NIPSNAP1: variants seen among roughly 807,000 people sequenced by gnomAD.
NIPSNAP1 encodes protein NipSnap homolog 1.
Under a neutral mutation model 49.2 loss-of-function variants are expected in NIPSNAP1, and 25 were observed. The ratio of observed to expected loss-of-function variants is 0.51; its 90% CI spans 0.37 to 0.71. NIPSNAP1 has a LOEUF of 0.71. Among genes scored for constraint, NIPSNAP1 ranks in the 30% least tolerant of loss-of-function variants. The pLI is 0.00. For missense variants in NIPSNAP1, 294 were observed against 361.0 expected, an observed-to-expected ratio of 0.81 and a Z score of 1.50; for synonymous variants, 143 against 140.7, an observed-to-expected ratio of 1.02 and a Z score of -0.12.
chr22:29,562,090 C>A (rs902002726), intron 4 of NIPSNAP1, among the ~76,000 whole-genome samples: 1 of 152,098 alleles, frequency 6.6e-6, no homozygotes, highest in Non-Finnish European at 1.5e-5. Context: ...TGCCCAGCAG[C>A]CTTGGACTGC....
At chr22:29,577,450 G>A (rs2064461614) in intron 1 of NIPSNAP1, among the ~76,000 whole-genome samples, 1 of 143,428 alleles carries the variant, frequency 7.0e-6, no homozygotes, top group African/African-American at 2.7e-5. Flanking sequence ...ACGAAGTCTC[G>A]CTCTTGTTCC....
chr22:29,570,128 C>G (rs770466908), intron 3 of NIPSNAP1, 34 bp downstream of exon 3: 5 of 1,602,096 alleles, frequency 3.1e-6, no homozygotes, highest in Non-Finnish European at 4.3e-6. Context: ...CCCACCCAAG[C>G]AGGGGATGGG....
chr22:29,558,080 T>C (rs903645387), intron 9 of NIPSNAP1, among the ~76,000 whole-genome samples: 11 of 152,080 alleles, frequency 7.2e-5, no homozygotes, highest in Non-Finnish European at 1.0e-4. Flanking sequence ...CTGGGTGACA[T>C]AGTAAGACTG....
At chr22:29,560,656 A>G in intron 8 of NIPSNAP1, 78 bp downstream of exon 8, 2 of 1,149,268 alleles carry the variant, frequency 1.7e-6, no homozygotes. Flanking sequence ...GAGGACACTA[A>G]TACAACCCCA....
intron 3 of NIPSNAP1, among the ~76,000 whole-genome samples, chr22:29,569,696 A>G (rs1214190097): frequency 6.7e-6 from 1 of 149,748 alleles, no homozygotes; most frequent in African/African-American, 2.5e-5. Context: ...AAAAAAAGAA[A>G]GAAAGAAAAT....
intron 1 of NIPSNAP1, chr22:29,579,991 T>G (rs2064485201): frequency 6.1e-6 from 6 of 978,968 alleles, no homozygotes; most frequent in Non-Finnish European, 8.6e-6. Flanking sequence ...CTGTAACATC[T>G]CATGGCAGGC....
In NIPSNAP1 at chr22:29,570,926, CTAACT is replaced by C. The variant is rs562980689; in HGVS notation, c.99-399_99-395del. ...TGCCCAAAGCCCTTGACAACCCAAC[CTAACT>C]TGTCAGCCTCCCCTCCTGCCCCCTC... On this transcript the variant is annotated intron_variant, in intron 1 of 9. Coordinates refer to ENST00000216121, the MANE Select transcript of NIPSNAP1 (RefSeq NM_003634.4). 6.4e-4 allele frequency among the ~76,000 whole-genome samples: 97 copies of C among 152,198 alleles called. 1 individual carries two copies. Among genetic ancestry groups the C allele is most frequent in the Middle Eastern group, 6.8e-3 (2 of 294 alleles).
chr22:29,573,172 G>A (rs986945956), intron 1 of NIPSNAP1, among the ~76,000 whole-genome samples: 6 of 152,190 alleles, frequency 3.9e-5, no homozygotes, highest in Admixed American at 2.6e-4. Flanking sequence ...AAGTAGCTGG[G>A]ACTACAGACG....
In NIPSNAP1 at chr22:29,555,272, T is replaced by C. The variant is rs2064282764; in HGVS notation, c.*663A>G. The C allele has an allele frequency of 6.5e-6, 1 of 153,038 alleles. No homozygotes were observed. Among genetic ancestry groups the C allele is most frequent in the Non-Finnish European group, 1.5e-5 (1 of 68,506 alleles). The allele number at this position is 153,038 out of a possible 1,614,324, so 9.5% of individuals were successfully genotyped here. A position where few individuals can be genotyped will look rare whatever the true frequency, so the allele number is the denominator to read the frequency against. On this transcript the variant is annotated 3_prime_UTR_variant, in exon 10 of 10. Transcript: ENST00000216121. ...AATTCTACAATTGAAACCCAAGTTC[T>C]GAATTCTAAGTTCTACCTTCCGAGT... is the stretch of plus-strand genomic sequence containing the variant.
In NIPSNAP1 at chr22:29,561,871, G is replaced by A; in HGVS notation, c.368-9C>T. 6.2e-7 allele frequency: 1 copy of A among 1,614,014 alleles called. No homozygotes were observed. Among genetic ancestry groups the A allele is most frequent in the Non-Finnish European group, 8.5e-7 (1 of 1,179,952 alleles). On this transcript the variant is annotated splice_polypyrimidine_tract_variant and intron_variant, in intron 4 of 9. Transcript: ENST00000216121. Reference sequence around the variant, plus strand: ...GAATCGCCACAGGTGCACTGTTGGGGGTGAGAGGTATAGGTCAGTGAGCTG... The same window carrying A: ...GAATCGCCACAGGTGCACTGTTGGGAGTGAGAGGTATAGGTCAGTGAGCTG...
chr22:29,560,226 ATCATC>A (rs1267333378), intron 8 of NIPSNAP1, among the ~76,000 whole-genome samples: 1 of 147,272 alleles, frequency 6.8e-6, no homozygotes, highest in African/African-American at 2.5e-5. Context: ...GTTTTTCACC[ATCATC>A]TCTCCCTGCC....
At chr22:29,565,321 G>A (rs983444062) in intron 4 of NIPSNAP1, among the ~76,000 whole-genome samples, 9 of 151,770 alleles carry the variant, frequency 5.9e-5, no homozygotes, top group African/African-American at 1.9e-4. Context: ...AGACCAGCCT[G>A]GCCAAGATGG....
In NIPSNAP1 at chr22:29,556,101, G is replaced by A. The variant is rs1478827093; in HGVS notation, c.791-102C>T. 1.4e-5 allele frequency: 13 copies of A among 943,032 alleles called. No homozygotes were observed. The Admixed American group carries it at 2.3e-4, about 16-fold the overall frequency. 58.4% of individuals were successfully genotyped at this position (943,032 alleles called of 1,614,324 possible). A position where few individuals can be genotyped will look rare whatever the true frequency, so the allele number is the denominator to read the frequency against. On this transcript the variant is annotated intron_variant, in intron 9 of 9. Coordinates refer to ENST00000216121, the MANE Select transcript of NIPSNAP1 (RefSeq NM_003634.4). ...CTGGCCTTTGAGTGGGCAGGAGGAG[G>A]CCCCAGATGCTGCGACAGGAATGTC...
intron 1 of NIPSNAP1, among the ~76,000 whole-genome samples, chr22:29,572,886 G>A: frequency 6.6e-6 from 1 of 151,914 alleles, no homozygotes; most frequent in East Asian, 1.9e-4. Flanking sequence ...GAGAGACTTA[G>A]GAGGATCGCA....
At chr22:29,561,923 C>A in intron 4 of NIPSNAP1, 61 bp from the exon 5 acceptor site, 4 of 1,521,816 alleles carry the variant, frequency 2.6e-6, no homozygotes, top group Non-Finnish European at 3.6e-6. Context: ...ATGACCTCCT[C>A]AAGGTTGGCT....
chr22:29,565,708 G>T (rs1437747512), intron 4 of NIPSNAP1, among the ~76,000 whole-genome samples: 1 of 151,982 alleles, frequency 6.6e-6, no homozygotes, highest in Non-Finnish European at 1.5e-5. Flanking sequence ...GTCTAGCCAG[G>T]TATGATGGCA....
chr22:29,564,346 A>G (rs456300), intron 4 of NIPSNAP1: 256,297 of 470,642 alleles, frequency 0.54, 71,922 homozygotes, highest in South Asian at 0.68. Flanking sequence ...CTGTATGGAT[A>G]GAAATCTACC....
Position 29,569,219 on chromosome 22 carries a change from G to T in NIPSNAP1, c.341C>A (p.Thr114Lys). 6.2e-7 allele frequency: 1 copy of T among 1,614,078 alleles called. No homozygotes were observed. Among genetic ancestry groups the T allele is most frequent in the Non-Finnish European group, 8.5e-7 (1 of 1,179,982 alleles). The change falls in exon 4 of 10, where the codon ACG becomes AAG. Residue 114 changes from threonine (T) to lysine (K), a missense_variant. This residue lies in a region of NIPSNAP1 where 146 missense variants were observed against 219.9 expected (regional missense o/e 0.66). Transcript: ENST00000216121. ...YPCSLVGNWN[T>K]WYGEQDQAVH... ...TGCCTGGTCCTGCTCCCCATACCAC[G>T]TGTTCCAGTTGCCCACGAGTGAGCA...
In NIPSNAP1 at chr22:29,563,387, C is replaced by T. The variant is rs139468511; in HGVS notation, c.368-1525G>A. Among the ~76,000 whole-genome samples, 306 of 150,916 alleles carry T rather than the reference C, an allele frequency of 2.0e-3. 3 individuals carry two copies. The highest frequency in any genetic ancestry group is 7.2e-3 in the African/African-American group (294 of 41,042). On this transcript the variant is annotated intron_variant, in intron 4 of 9. Coordinates refer to ENST00000216121, the MANE Select transcript of NIPSNAP1 (RefSeq NM_003634.4). Reference sequence around the variant, plus strand: ...TCTACTAAAACAAAAATTAGCTGGGCGTGGTGATGCACATCTGTAATCCTA... The same window carrying T: ...TCTACTAAAACAAAAATTAGCTGGGTGTGGTGATGCACATCTGTAATCCTA...
Sources: allele counts gnomAD v4.1 joint callset (sites outside exome capture counted in the v4.1 genomes callset), GRCh38; gene constraint gnomAD v4.1.1; regional missense constraint gnomAD v4.1.1; transcripts MANE v1.5; gene names NCBI Gene and HGNC (gene_info 2026-07-23, HGNC 2026-07-21).